Variants in MALRD1 observed in about 807,000 individuals in gnomAD.
The protein encoded by MALRD1 is MAM and LDL-receptor class A domain-containing protein 1.
MALRD1 carries 247 observed loss-of-function variants against 242.1 expected under a neutral mutation model. The observed-to-expected ratio is 1.02, with a 90% CI of 0.92 to 1.13. The LOEUF is 1.13. Among genes scored for constraint, MALRD1 ranks in the 50% most tolerant of loss-of-function variants. The pLI is 0.00. For missense variants in MALRD1, 2,989 were observed against 2,533.1 expected (o/e 1.18, Z -3.86); for synonymous variants, 995 against 866.6 (o/e 1.15, Z -2.60).
intron 18 of MALRD1, among the ~76,000 whole-genome samples, chr10:19,210,871 T>C (rs1837019831): frequency 1.3e-5 from 2 of 152,088 alleles, no homozygotes; most frequent in African/African-American, 4.8e-5. Flanking sequence ...GAATCCCCCA[T>C]TTATAGTGTG....
intron 28 of MALRD1, among the ~76,000 whole-genome samples, chr10:19,414,790 A>G (rs79028484): frequency 0.028 from 4,220 of 151,390 alleles, 176 homozygotes; most frequent in African/African-American, 0.096. Context: ...AATTTCCTGG[A>G]CACCAGGCTA....
At chr10:19,284,103 G>A (rs1313175546) in intron 21 of MALRD1, among the ~76,000 whole-genome samples, 1 of 152,184 alleles carries the variant, frequency 6.6e-6, no homozygotes, top group Non-Finnish European at 1.5e-5. Context: ...TGGCTGGGGT[G>A]GGATAAGAAG....
rs537281383 is a variant in MALRD1, at chr10:19,217,452, A to G, written c.2991+7772A>G. Among the ~76,000 whole-genome samples the G allele has an allele frequency of 2.7e-5, 4 of 150,862 alleles. No individual in the cohort carries two copies. The East Asian group carries it at 5.8e-4, about 22-fold the overall frequency. ...ACTTCACTTTCTTTTCCTGAAGCTT[A>G]TACTCACTGCTCCATATGCCTTTGG... On this transcript the variant is annotated intron_variant, in intron 18 of 39. Coordinates refer to ENST00000454679, the MANE Select transcript of MALRD1 (RefSeq NM_001142308.3).
intron 34 of MALRD1, among the ~76,000 whole-genome samples, chr10:19,599,157 G>T (rs1751371928): frequency 6.6e-6 from 1 of 152,236 alleles, no homozygotes; most frequent in East Asian, 1.9e-4. Context: ...CAGGAAAAAA[G>T]AATTGGTTTC....
intron 28 of MALRD1, among the ~76,000 whole-genome samples, chr10:19,409,859 A>G (rs941020380): frequency 6.6e-6 from 1 of 152,196 alleles, no homozygotes; most frequent in Non-Finnish European, 1.5e-5. Flanking sequence ...TACAATGTAA[A>G]AGCATCTCCA....
In MALRD1 at chr10:19,300,154, G is replaced by A. The variant is rs1349713713; in HGVS notation, c.3419+16973G>A. ...AATGAACAAGATACCTAGGGATGCA[G>A]CTCACCAGGCAGGTGAAAGATCTTT... is the stretch of plus-strand genomic sequence containing the variant. On this transcript the variant is annotated intron_variant, in intron 21 of 39. Coordinates refer to ENST00000454679, the MANE Select transcript of MALRD1 (RefSeq NM_001142308.3). Among the ~76,000 whole-genome samples, 3 of 151,900 alleles carry A rather than the reference G, an allele frequency of 2.0e-5. No individual in the cohort carries two copies. In the Admixed American group the frequency reaches 2.0e-4, roughly 10 times the overall value.
In MALRD1 at chr10:19,410,658, C is replaced by T. The variant is rs146509357; in HGVS notation, c.4845+21049C>T. ...CCTCCCTCCCCTCCTCCCCTCCCCTCCATCCATTCTTCCTTCCTTCCTTTT... is the reference window on the plus strand; with the variant it reads ...CCTCCCTCCCCTCCTCCCCTCCCCTTCATCCATTCTTCCTTCCTTCCTTTT... On this transcript the variant is annotated intron_variant, in intron 28 of 39. Coordinates refer to ENST00000454679, the MANE Select transcript of MALRD1 (RefSeq NM_001142308.3). Among the ~76,000 whole-genome samples the T allele has an allele frequency of 2.9e-3, 430 of 147,308 alleles. 3 individuals carry two copies. Among genetic ancestry groups the T allele is most frequent in the African/African-American group, 0.01 (414 of 40,050 alleles).
intron 32 of MALRD1, among the ~76,000 whole-genome samples, chr10:19,555,519 A>G (rs1222351778): frequency 6.6e-6 from 1 of 152,280 alleles, no homozygotes; most frequent in African/African-American, 2.4e-5. Flanking sequence ...AGTCATGTGA[A>G]GCTGTAAGTC....
chr10:19,235,578 C>CAGAGAGAGAGAG (rs34117417), intron 18 of MALRD1, among the ~76,000 whole-genome samples: 4,498 of 132,238 alleles, frequency 0.034, 137 homozygotes, highest in East Asian at 0.086. Context: ...CCCACACCCA[C>CAGAGAGAGAGAG]AGAGAGAGAG....
At chr10:19,593,524 A>T (rs964182717) in intron 33 of MALRD1, among the ~76,000 whole-genome samples, 1 of 152,198 alleles carries the variant, frequency 6.6e-6, no homozygotes, top group Non-Finnish European at 1.5e-5. Flanking sequence ...AAAACAAACC[A>T]TTCCTGTACT....
chr10:19,131,337 AG>A (rs1265490936), intron 8 of MALRD1, among the ~76,000 whole-genome samples: 17 of 152,142 alleles, frequency 1.1e-4, no homozygotes, highest in Non-Finnish European at 2.9e-5. Context: ...TTATTTCCAG[AG>A]GACATTAGAA....
At chr10:19,438,116 T>G (rs944330268) in intron 28 of MALRD1, among the ~76,000 whole-genome samples, 12 of 152,096 alleles carry the variant, frequency 7.9e-5, no homozygotes, top group Non-Finnish European at 1.5e-4. Context: ...ACTCTAACTC[T>G]TCTTTCTTCC....
intron 28 of MALRD1, among the ~76,000 whole-genome samples, chr10:19,406,404 C>T (rs986782574): frequency 3.3e-5 from 5 of 152,038 alleles, no homozygotes; most frequent in Non-Finnish European, 7.4e-5. Flanking sequence ...TGCCAGAATT[C>T]GTTCTATGTG....
At chr10:19,728,164 A>G (rs2131931862) in intron 38 of MALRD1, among the ~76,000 whole-genome samples, 1 of 152,324 alleles carries the variant, frequency 6.6e-6, no homozygotes, top group East Asian at 1.9e-4. Context: ...TTGAAGTAGG[A>G]AGGATTTGCC....
chr10:19,156,357 G>C (rs1834145129), intron 12 of MALRD1, among the ~76,000 whole-genome samples: 1 of 148,426 alleles, frequency 6.7e-6, no homozygotes, highest in African/African-American at 2.5e-5. Context: ...GCAAATGCCT[G>C]GTCTCCATTT....
intron 29 of MALRD1, among the ~76,000 whole-genome samples, chr10:19,490,741 A>G (rs1837454746): frequency 1.3e-5 from 2 of 152,122 alleles, no homozygotes; most frequent in African/African-American, 2.4e-5. Flanking sequence ...ACACACATTC[A>G]TTTCCTGAAG....
At chr10:19,442,193 G>C (rs994727574) in intron 28 of MALRD1, among the ~76,000 whole-genome samples, 1 of 152,322 alleles carries the variant, frequency 6.6e-6, no homozygotes, top group Non-Finnish European at 1.5e-5. Flanking sequence ...TGTACCCTGA[G>C]ATTTTGCTGA....
intron 38 of MALRD1, among the ~76,000 whole-genome samples, chr10:19,706,094 T>C (rs1254510079): frequency 6.6e-6 from 1 of 152,086 alleles, no homozygotes; most frequent in Non-Finnish European, 1.5e-5. Context: ...TAAAAGGAGA[T>C]AGCATTTGGA....
intron 38 of MALRD1, among the ~76,000 whole-genome samples, chr10:19,701,565 C>T (rs1833629242): frequency 6.6e-6 from 1 of 152,012 alleles, no homozygotes; most frequent in African/African-American, 2.4e-5. Flanking sequence ...GGTACTGAAG[C>T]ACCCAAAAAA....
Sources: gnomAD v4.1 joint callset for allele counts (sites outside exome capture counted in the v4.1 genomes callset) on GRCh38, gnomAD v4.1.1 for gene constraint, MANE v1.5 for transcripts, NCBI Gene and HGNC (gene_info 2026-07-23, HGNC 2026-07-21) for gene names.